Variants in SAMD12 observed in about 807,000 individuals in gnomAD.
SAMD12 encodes sterile alpha motif domain containing 12.
A neutral mutation model predicts 15.0 loss-of-function variants in SAMD12; 9 were observed. The observed-to-expected ratio is 0.60, with a 90% confidence interval of 0.36 to 1.05. The LOEUF (loss-of-function observed/expected upper bound fraction) is 1.05, where lower values mean the gene tolerates loss of function less well. SAMD12 is among the 50% of genes least tolerant of loss of function. The pLI is 0.01. For synonymous variants in SAMD12, 86 were observed against 90.1 expected, an observed-to-expected ratio of 0.96 and a Z score of 0.25; for missense variants, 230 against 234.2, an observed-to-expected ratio of 0.98 and a Z score of 0.12.
intron 2 of SAMD12, among the ~76,000 whole-genome samples, chr8:118,459,419 G>A (rs1336115058): frequency 2.0e-5 from 3 of 152,118 alleles, no homozygotes; most frequent in Non-Finnish European, 4.4e-5. Flanking sequence ...TATTTGCAAT[G>A]CATTCTGATT....
intron 1 of SAMD12, among the ~76,000 whole-genome samples, chr8:118,599,312 C>G (rs1391487993): frequency 2.6e-5 from 4 of 152,164 alleles, no homozygotes; most frequent in Non-Finnish European, 5.9e-5. Flanking sequence ...ACATGTAGCT[C>G]TTTTGTAAAA....
At chr8:118,475,103 G>A (rs1350660028) in intron 2 of SAMD12, among the ~76,000 whole-genome samples, 3 of 152,132 alleles carry the variant, frequency 2.0e-5, no homozygotes, top group Admixed American at 1.3e-4. Flanking sequence ...GCCGGGCATG[G>A]TGATGCATGC....
chr8:118,610,676 T>C (rs1828087940), intron 1 of SAMD12, among the ~76,000 whole-genome samples: 1 of 152,226 alleles, frequency 6.6e-6, no homozygotes, highest in Admixed American at 6.5e-5. Context: ...ACAAGCCAGA[T>C]ACGGTTGTAG....
chr8:118,246,662 T>C (rs1362315306), intron 4 of SAMD12, among the ~76,000 whole-genome samples: 1 of 152,166 alleles, frequency 6.6e-6, no homozygotes, highest in Non-Finnish European at 1.5e-5. Context: ...AAATAGATCA[T>C]TCTAATATTT....
chr8:118,254,755 C>T (rs1386550293), intron 4 of SAMD12, among the ~76,000 whole-genome samples: 1 of 152,050 alleles, frequency 6.6e-6, no homozygotes, highest in Admixed American at 6.6e-5. Context: ...GGACTTGTCC[C>T]TCCTTGATCT....
At chr8:118,426,858 ACT>A (rs1822250319) in intron 3 of SAMD12, among the ~76,000 whole-genome samples, 1 of 152,218 alleles carries the variant, frequency 6.6e-6, no homozygotes, top group African/African-American at 2.4e-5. Flanking sequence ...TGGTGAGAGT[ACT>A]TTTTAATTAA....
chr8:118,435,967 G>A (rs1035550292), intron 3 of SAMD12, among the ~76,000 whole-genome samples: 3 of 152,206 alleles, frequency 2.0e-5, no homozygotes, highest in Non-Finnish European at 4.4e-5. Flanking sequence ...GGTTAGGCAA[G>A]TCAACTGAAC....
chr8:118,326,410 A>C (rs1341982713), intron 4 of SAMD12, among the ~76,000 whole-genome samples: 1 of 152,102 alleles, frequency 6.6e-6, no homozygotes, highest in Non-Finnish European at 1.5e-5. Flanking sequence ...TTTACACCCA[A>C]AGTATATCCC....
intron 4 of SAMD12, among the ~76,000 whole-genome samples, chr8:118,245,345 G>A (rs902764629): frequency 6.6e-6 from 1 of 152,088 alleles, no homozygotes; most frequent in East Asian, 1.9e-4. Context: ...CCTGAAGATG[G>A]GAATTATGGA....
At position 118,378,946 on chromosome 8, in the gene SAMD12, T is replaced by C; in HGVS notation, c.*471A>G. Reference sequence around the variant, plus strand: ...TAACAGTGTAGTTTTAGATTCACTATAGTCTATTATAAAAATTATTCCACT... The same window carrying C: ...TAACAGTGTAGTTTTAGATTCACTACAGTCTATTATAAAAATTATTCCACT... On this transcript the variant is annotated 3_prime_UTR_variant, in exon 4 of 4. Coordinates refer to ENST00000314727, the MANE Select transcript of SAMD12 (RefSeq NM_207506.3). The C allele has an allele frequency of 1.1e-6, 1 of 946,782 alleles. No individual in the cohort carries two copies. Among genetic ancestry groups the C allele is most frequent in the Non-Finnish European group, 1.3e-6 (1 of 792,396 alleles). 58.6% of individuals were successfully genotyped at this position (946,782 alleles called of 1,614,324 possible).
At chr8:118,213,154 G>T (rs987756825) in intron 4 of SAMD12, among the ~76,000 whole-genome samples, 5 of 152,186 alleles carry the variant, frequency 3.3e-5, no homozygotes, top group Admixed American at 6.5e-5. Flanking sequence ...TCCTATGTCA[G>T]ATGGCTGCAA....
intron 4 of SAMD12, among the ~76,000 whole-genome samples, chr8:118,299,169 G>T (rs1457289351): frequency 6.6e-6 from 1 of 152,098 alleles, no homozygotes; most frequent in African/African-American, 2.4e-5. Flanking sequence ...TAATCATAGG[G>T]TATGATACAT....
intron 2 of SAMD12, among the ~76,000 whole-genome samples, chr8:118,530,450 G>C (rs180778044): frequency 5.3e-5 from 8 of 152,232 alleles, no homozygotes; most frequent in Admixed American, 2.0e-4. Flanking sequence ...AGCTCCCACT[G>C]ATAAGTGAGA....
At chr8:118,516,422 T>C (rs1199700656) in intron 2 of SAMD12, among the ~76,000 whole-genome samples, 3 of 152,176 alleles carry the variant, frequency 2.0e-5, no homozygotes, top group African/African-American at 7.2e-5. Context: ...ATGAAATGGA[T>C]ATAGTTGCTC....
the SAMD12 span, among the ~76,000 whole-genome samples, chr8:118,146,557 C>T: frequency 1.3e-5 from 2 of 152,152 alleles, no homozygotes; most frequent in Non-Finnish European, 2.9e-5. Context: ...GCTATGTTGC[C>T]TATGAGGAAG....
chr8:118,136,229 C>T, the SAMD12 span, among the ~76,000 whole-genome samples: 19 of 151,996 alleles, frequency 1.3e-4, no homozygotes, highest in Middle Eastern at 3.4e-3. Context: ...GGGGTTTCAC[C>T]ATGTTGGCCA....
chr8:118,264,257 C>G (rs1249676712), intron 4 of SAMD12, among the ~76,000 whole-genome samples: 1 of 152,136 alleles, frequency 6.6e-6, no homozygotes, highest in African/African-American at 2.4e-5. Flanking sequence ...CTCCACCTCT[C>G]TCTGTCCTTC....
intron 2 of SAMD12, among the ~76,000 whole-genome samples, chr8:118,550,554 G>A (rs933673519): frequency 3.3e-5 from 5 of 152,132 alleles, no homozygotes; most frequent in East Asian, 1.9e-4. Flanking sequence ...GGAACAACCG[G>A]TACCAGCCGC....
At position 118,353,986 on chromosome 8, in the gene SAMD12, G is replaced by A. The variant is rs72675894; in HGVS notation, c.433+25574C>T. ...TGCAGGCATCTGACCCCTCCTCCAA[G>A]GCTCCAGCTCTTCTCAGAGCTCTTT... On this transcript the variant is annotated intron_variant, in intron 4 of 4. Transcript: ENST00000409003. Among the ~76,000 whole-genome samples, 665 of 152,210 alleles carry A rather than the reference G, an allele frequency of 4.4e-3. 1 individual carries two copies. Among genetic ancestry groups the A allele is most frequent in the South Asian group, 6.6e-3 (32 of 4,820 alleles).
Sources: gnomAD v4.1 joint callset for allele counts (sites outside exome capture counted in the v4.1 genomes callset) on GRCh38, gnomAD v4.1.1 for gene constraint, MANE v1.5 for transcripts, NCBI Gene and HGNC (gene_info 2026-07-23, HGNC 2026-07-21) for gene names.